Variants in CBLB observed in about 807,000 individuals in gnomAD.
The protein encoded by CBLB is Cbl proto-oncogene B, also known as E3 ubiquitin-protein ligase CBL-B.
In CBLB, 31 loss-of-function variants were observed where a neutral mutation model predicts 104.9. That is an observed-to-expected ratio of 0.30 (90% CI 0.22 to 0.40). The LOEUF is 0.40. Among genes scored for constraint, CBLB ranks in the 10% least tolerant of loss-of-function variants. The pLI is 1.00. For synonymous variants in CBLB, 440 were observed against 422.6 expected, an observed-to-expected ratio of 1.04 and a Z score of -0.51; for missense variants, 1,062 against 1,214.6, an observed-to-expected ratio of 0.87 and a Z score of 1.87.
At position 105,720,119 on chromosome 3, in the gene CBLB, C is replaced by A. The variant is rs773229686; in HGVS notation, c.1335G>T (p.Pro445=). ...CATCATCGTCGTCCAAGTCTAGCAT[C>A]GGCATGCCAAAGGGGTCAATGATGC... is the stretch of plus-strand genomic sequence containing the variant. ...CCSIIDPFGM[P]MLDLDDDDDR... Residue 445 remains proline (P), a synonymous_variant, in exon 10 of 19, where the codon CCG becomes CCT. Transcript: ENST00000394030. The A allele has an allele frequency of 1.9e-6, 3 of 1,613,886 alleles. No individual in the cohort carries two copies. Among genetic ancestry groups the A allele is most frequent in the Non-Finnish European group, 2.5e-6 (3 of 1,179,958 alleles).
chr3:105,787,451 G>A (rs1285714115), intron 3 of CBLB, among the ~76,000 whole-genome samples: 1 of 152,140 alleles, frequency 6.6e-6, no homozygotes, highest in Non-Finnish European at 1.5e-5. Flanking sequence ...TATAAAACCA[G>A]GGGGTTGTGG....
chr3:105,665,412 A>T (rs56238836), intron 18 of CBLB, among the ~76,000 whole-genome samples: 18,274 of 70,070 alleles, frequency 0.26, 1,806 homozygotes, highest in African/African-American at 0.37. Context: ...TAAATAAATA[A>T]ATAAATATAT....
At chr3:105,834,315 T>C (rs1206957778) in intron 3 of CBLB, among the ~76,000 whole-genome samples, 2 of 152,176 alleles carry the variant, frequency 1.3e-5, no homozygotes, top group Non-Finnish European at 2.9e-5. Flanking sequence ...TGTATACATA[T>C]ACAGAAACAT....
At position 105,685,239 on chromosome 3, in the gene CBLB, G is replaced by T; in HGVS notation, c.2201+81C>A. 6 of 1,195,692 alleles carry T rather than the reference G, an allele frequency of 5.0e-6. No homozygotes were observed. In the South Asian group the frequency reaches 6.1e-5, roughly 12 times the overall value. The allele number at this position is 1,195,692 out of a possible 1,614,324, so 74.1% of individuals were successfully genotyped here. On this transcript the variant is annotated intron_variant, in intron 14 of 18. Transcript: ENST00000394030. ...AAATTAAGGATTTTTAATTAGACGT[G>T]AATCAATTGTTTAAAAACAAACATT... is the stretch of plus-strand genomic sequence containing the variant.
At chr3:105,784,979 C>T (rs543395525) in intron 3 of CBLB, among the ~76,000 whole-genome samples, 3 of 152,228 alleles carry the variant, frequency 2.0e-5, no homozygotes, top group African/African-American at 4.8e-5. Flanking sequence ...ACCAGCTTTA[C>T]GTCAAAATAC....
rs141115144 is a variant in CBLB, at chr3:105,725,596, T to C, written c.1204-5346A>G. Among the ~76,000 whole-genome samples the C allele has an allele frequency of 2.4e-3, 362 of 152,310 alleles. 1 individual carries two copies. Among genetic ancestry groups the C allele is most frequent in the African/African-American group, 6.6e-3 (274 of 41,568 alleles). On this transcript the variant is annotated intron_variant, in intron 9 of 18. Coordinates refer to ENST00000394030, the MANE Select transcript of CBLB (RefSeq NM_170662.5). ...GCATCGCTCTAGTTCATAATGTTACTATAACGTGTTTGGACAACTCTCGCA... is the reference window on the plus strand; with the variant it reads ...GCATCGCTCTAGTTCATAATGTTACCATAACGTGTTTGGACAACTCTCGCA...
Position 105,685,411 on chromosome 3 carries a change from C to T in CBLB, c.2110G>A (p.Glu704Lys), listed in dbSNP as rs2152738572. 6.2e-7 allele frequency: 1 copy of T among 1,612,658 alleles called. No individual in the cohort carries two copies. The highest frequency in any genetic ancestry group is 1.3e-5 in the African/African-American group (1 of 74,990). ...GGAATCTTGTATTCATCATCATCTT[C>T]CTCTACTGGGTCTCTTGTTTTCTCT... ...LSEKTRDPVE[E>K]DDDEYKIPSS... is the part of the protein sequence containing the mutation. Residue 704 changes from glutamate (E) to lysine (K), a missense_variant, in exon 14 of 19, where the codon GAA (glutamate) becomes AAA (lysine). Around this residue, in one of 2 missense-constraint regions of CBLB, gnomAD observed 605 missense variants for 582.6 expected, o/e 1.04. Transcript: ENST00000394030.
chr3:105,805,207 G>A (rs536573576), intron 3 of CBLB, among the ~76,000 whole-genome samples: 13 of 151,948 alleles, frequency 8.6e-5, no homozygotes, highest in African/African-American at 2.9e-4. Context: ...TATAAAGTTC[G>A]CATTTCTGAG....
At chr3:105,719,476 T>C (rs726443) in intron 10 of CBLB, among the ~76,000 whole-genome samples, 84,874 of 152,068 alleles carry the variant, frequency 0.56, 24,554 homozygotes, top group Middle Eastern at 0.68. Context: ...GGTGATCCTA[T>C]AAGATTATAA....
intron 3 of CBLB, among the ~76,000 whole-genome samples, chr3:105,853,008 C>T (rs1052558766): frequency 1.1e-4 from 17 of 152,282 alleles, no homozygotes; most frequent in Non-Finnish European, 2.2e-4. Context: ...TGACCCACCA[C>T]GCCCGGCCTT....
At chr3:105,708,643 T>C (rs1355078846) in intron 10 of CBLB, among the ~76,000 whole-genome samples, 1 of 152,120 alleles carries the variant, frequency 6.6e-6, no homozygotes, top group East Asian at 1.9e-4. Flanking sequence ...ATTGCTTATA[T>C]TTAAATTTCA....
chr3:105,868,694 C>A (rs1383501339), intron 1 of CBLB, 42 bp downstream of exon 1: 15 of 999,918 alleles, frequency 1.5e-5, no homozygotes, highest in Non-Finnish European at 1.7e-5. Flanking sequence ...CCCGGGCCGG[C>A]AAGAAGTGTG....
chr3:105,762,699 T>A (rs929478870), intron 4 of CBLB, among the ~76,000 whole-genome samples: 1 of 152,122 alleles, frequency 6.6e-6, no homozygotes, highest in Non-Finnish European at 1.5e-5. Flanking sequence ...CTTGTGGAGG[T>A]AGACATCTGC....
intron 3 of CBLB, among the ~76,000 whole-genome samples, chr3:105,830,602 G>A (rs1036143209): frequency 6.6e-6 from 1 of 152,116 alleles, no homozygotes; most frequent in Non-Finnish European, 1.5e-5. Flanking sequence ...CAATAAATAA[G>A]TAAATAATTT....
intron 3 of CBLB, among the ~76,000 whole-genome samples, chr3:105,798,358 T>G (rs1359715454): frequency 6.6e-6 from 1 of 152,178 alleles, no homozygotes; most frequent in African/African-American, 2.4e-5. Flanking sequence ...AAGGTTTCTG[T>G]TTTTTGTTTT....
At chr3:105,804,828 A>C (rs1043070119) in intron 3 of CBLB, among the ~76,000 whole-genome samples, 3 of 152,012 alleles carry the variant, frequency 2.0e-5, no homozygotes, top group South Asian at 4.2e-4. Flanking sequence ...AGGATCCTTG[A>C]ATTCATTTAT....
chr3:105,715,574 T>A (rs2071736852), intron 10 of CBLB, among the ~76,000 whole-genome samples: 1 of 152,156 alleles, frequency 6.6e-6, no homozygotes, highest in African/African-American at 2.4e-5. Flanking sequence ...AAGAATGTAA[T>A]ATGCTGAAGA....
chr3:105,765,177 A>G (rs548038133), intron 4 of CBLB, among the ~76,000 whole-genome samples: 29 of 152,332 alleles, frequency 1.9e-4, no homozygotes, highest in Admixed American at 1.7e-3. Context: ...CAGCCTTAAG[A>G]TGAAAGAAAA....
At chr3:105,850,918 G>C (rs1253047715) in intron 3 of CBLB, among the ~76,000 whole-genome samples, 1 of 152,090 alleles carries the variant, frequency 6.6e-6, no homozygotes, top group Non-Finnish European at 1.5e-5. Context: ...AATGAAAAAG[G>C]GTAGAGCCAC....
Sources: allele counts gnomAD v4.1 joint callset (sites outside exome capture counted in the v4.1 genomes callset), GRCh38; gene constraint gnomAD v4.1.1; regional missense constraint gnomAD v4.1.1; transcripts MANE v1.5; gene names NCBI Gene and HGNC (gene_info 2026-07-23, HGNC 2026-07-21).